ADD2: variants seen among roughly 807,000 people sequenced by gnomAD.
ADD2 encodes adducin 2, also known as beta-adducin.
In ADD2, 23 loss-of-function variants were observed where a neutral mutation model predicts 83.0. The observed-to-expected ratio is 0.28, with a 90% confidence interval of 0.20 to 0.39. The LOEUF (loss-of-function observed/expected upper bound fraction) is 0.39. Ranked by LOEUF, ADD2 falls within the 10% of genes least tolerant of loss-of-function variation. The pLI is 1.00. For missense variants in ADD2, 758 were observed against 944.9 expected, an observed-to-expected ratio of 0.80 and a Z score of 2.59; for synonymous variants, 375 against 375.4, an observed-to-expected ratio of 1.00 and a Z score of 0.01.
At chr2:70,672,503 T>A (rs1553367261) in intron 15 of ADD2, among the ~76,000 whole-genome samples, 2 of 152,182 alleles carry the variant, frequency 1.3e-5, no homozygotes, top group Non-Finnish European at 2.9e-5. Context: ...TTAGGCCACA[T>A]CCCAGACTTA....
intron 1 of ADD2, among the ~76,000 whole-genome samples, chr2:70,752,095 C>A (rs1674534807): frequency 6.6e-6 from 1 of 152,202 alleles, no homozygotes; most frequent in African/African-American, 2.4e-5. Context: ...CTGTAACACA[C>A]ACGCGCTTTG....
chr2:70,711,598 G>A (rs538566601), intron 2 of ADD2, among the ~76,000 whole-genome samples: 1 of 152,240 alleles, frequency 6.6e-6, no homozygotes, highest in Non-Finnish European at 1.5e-5. Context: ...AAAAAACTCT[G>A]GACAGCAAGG....
intron 4 of ADD2, 133 bp from the exon 5 acceptor site, chr2:70,696,529 T>C (rs1671323711): frequency 9.8e-6 from 12 of 1,224,330 alleles, no homozygotes; most frequent in South Asian, 2.9e-5. Context: ...TAAACATTCT[T>C]TGACCCTTAC....
chr2:70,703,410 G>A (rs1367004557), intron 4 of ADD2, among the ~76,000 whole-genome samples: 2 of 152,132 alleles, frequency 1.3e-5, no homozygotes, highest in African/African-American at 4.8e-5. Flanking sequence ...CCAGGGTAGA[G>A]GAAATGGGCA....
At chr2:70,663,920 C>T (rs1553365612) in intron 15 of ADD2, among the ~76,000 whole-genome samples, 185 bp from the exon 16 acceptor site, 1 of 152,162 alleles carries the variant, frequency 6.6e-6, no homozygotes, top group Non-Finnish European at 1.5e-5. Flanking sequence ...CTGCACCTTC[C>T]ATGTGGCCTG....
intron 1 of ADD2, 144 bp downstream of exon 1, chr2:70,767,742 A>G: frequency 7.0e-7 from 1 of 1,434,852 alleles, no homozygotes; most frequent in Non-Finnish European, 9.1e-7. Context: ...GCTGCCGGCC[A>G]GGGCTGCAGC....
At chr2:70,711,142 G>A (rs1378058044) in intron 2 of ADD2, 1 of 152,190 alleles carries the variant, frequency 6.6e-6, no homozygotes, top group Non-Finnish European at 1.5e-5. Flanking sequence ...CCAGGATGCT[G>A]AAGATCAGAG....
intron 8 of ADD2, among the ~76,000 whole-genome samples, chr2:70,689,242 C>T (rs1033363155): frequency 1.3e-5 from 2 of 152,158 alleles, no homozygotes; most frequent in Non-Finnish European, 2.9e-5. Flanking sequence ...GAATTTGTAC[C>T]AAGAGCACAA....
chr2:70,679,698 A>T (rs998945555), intron 10 of ADD2, among the ~76,000 whole-genome samples: 2 of 64,240 alleles, frequency 3.1e-5, no homozygotes, highest in Non-Finnish European at 6.2e-5. Flanking sequence ...AAGCAAAATT[A>T]AAAAAAATAA....
intron 1 of ADD2, among the ~76,000 whole-genome samples, chr2:70,741,089 G>A (rs1362935437): frequency 1.3e-5 from 2 of 152,216 alleles, no homozygotes; most frequent in African/African-American, 4.8e-5. Flanking sequence ...TGATGTGGGA[G>A]AGGATGATTT....
chr2:70,767,552 A>C, intron 1 of ADD2: 7 of 910,906 alleles, frequency 7.7e-6, no homozygotes, highest in African/African-American at 1.7e-5. Context: ...CCGCCCGGCT[A>C]GGCGAGGCGA....
Position 70,757,682 on chromosome 2 carries a change from G to A in ADD2, c.-154+10204C>T, listed in dbSNP as rs782444161. Among the ~76,000 whole-genome samples the A allele has an allele frequency of 7.2e-5, 11 of 152,218 alleles. No homozygotes were observed. In the South Asian group the frequency reaches 1.0e-3, roughly 14 times the overall value. ...AGGAAAGCAGGAAAGAATCAAACCC[G>A]CCCTCACTTTTCCTGTCCTGTCTTT... On this transcript the variant is annotated intron_variant, in intron 1 of 15. Coordinates refer to ENST00000264436, the MANE Select transcript of ADD2 (RefSeq NM_001617.4).
intron 1 of ADD2, among the ~76,000 whole-genome samples, chr2:70,725,696 A>G (rs925280895): frequency 2.6e-5 from 4 of 152,066 alleles, no homozygotes; most frequent in Non-Finnish European, 4.4e-5. Flanking sequence ...TCTCCCCTAG[A>G]ACTTCTGGAT....
intron 2 of ADD2, among the ~76,000 whole-genome samples, chr2:70,709,466 G>A (rs1672066704): frequency 6.6e-6 from 1 of 152,230 alleles, no homozygotes; most frequent in East Asian, 1.9e-4. Flanking sequence ...AGTCAGGGAT[G>A]TTGCTGGTGG....
intron 14 of ADD2, 71 bp downstream of exon 14, chr2:70,674,607 C>G (rs1332342270): frequency 6.7e-6 from 10 of 1,495,308 alleles, no homozygotes; most frequent in Non-Finnish European, 6.3e-6. Context: ...AAGGTCCTCT[C>G]TTGGTAGTCC....
At chr2:70,741,259 A>G (rs1180220948) in intron 1 of ADD2, 1 of 152,248 alleles carries the variant, frequency 6.6e-6, no homozygotes, top group Non-Finnish European at 1.5e-5. Flanking sequence ...TCCCTGTAAC[A>G]GTGAATGATC....
rs782156170 is a variant in ADD2 at position 70,678,836 on chromosome 2, G to A, written c.1251C>T (p.Pro417=). 8 of 1,614,052 alleles carry A rather than the reference G, an allele frequency of 5.0e-6. No individual in the cohort carries two copies. The highest frequency in any genetic ancestry group is 3.3e-5 in the Admixed American group (2 of 60,008). Residue 417 remains proline, a synonymous_variant, in exon 11 of 16, where the codon CCC becomes CCT. Coordinates refer to ENST00000264436, the MANE Select transcript of ADD2 (RefSeq NM_001617.4). ...FVFEEDGAPV[P]ALRQHAQKQQ... is the part of the protein sequence containing the mutation. ...GCTTCTGGGCATGCTGTCGCAGGGC[G>A]GGCACCGGGGCACCGTCCTCCTCAA...
At chr2:70,748,690 T>C (rs1674357665) in intron 1 of ADD2, among the ~76,000 whole-genome samples, 1 of 152,230 alleles carries the variant, frequency 6.6e-6, no homozygotes, top group Non-Finnish European at 1.5e-5. Flanking sequence ...TTTTCACCAC[T>C]TAAAATGCTG....
intron 4 of ADD2, 135 bp downstream of exon 4, chr2:70,704,186 C>T (rs951065459): frequency 1.7e-6 from 2 of 1,206,464 alleles, no homozygotes; most frequent in Non-Finnish European, 2.3e-6. Context: ...TGCTGAGCTC[C>T]CCAAGGCCTG....
Sources: allele counts gnomAD v4.1 joint callset (sites outside exome capture counted in the v4.1 genomes callset), GRCh38; gene constraint gnomAD v4.1.1; transcripts MANE v1.5; gene names NCBI Gene and HGNC (gene_info 2026-07-23, HGNC 2026-07-21).